The following ASIC2 variants were observed in gnomAD, a reference collection of about 807,000 sequenced individuals.
ASIC2 encodes the protein acid sensing ion channel subunit 2, also known as acid-sensing ion channel 2.
A neutral mutation model predicts 57.3 loss-of-function variants in ASIC2; 25 were observed. The observed-to-expected ratio is 0.44, with a 90% CI of 0.32 to 0.61. ASIC2 has a LOEUF of 0.61. ASIC2 is among the 20% of genes least tolerant of loss of function. The probability of loss-of-function intolerance (pLI) is 0.06; values close to 1 mark genes in which losing one functional copy is unlikely to be tolerated. For synonymous variants in ASIC2, 319 were observed against 307.5 expected, an observed-to-expected ratio of 1.04 and a Z score of -0.39; for missense variants, 641 against 738.1, an observed-to-expected ratio of 0.87 and a Z score of 1.52.
At chr17:33,896,964 G>A (rs993291284) in intron 1 of ASIC2, among the ~76,000 whole-genome samples, 9 of 152,186 alleles carry the variant, frequency 5.9e-5, no homozygotes, top group African/African-American at 2.2e-4. Context: ...GAACCAGACA[G>A]GATAAAGGAG....
At chr17:33,436,849 ACTT>A (rs1211289464) in intron 1 of ASIC2, among the ~76,000 whole-genome samples, 8,926 of 76,162 alleles carry the variant, frequency 0.12, 1,453 homozygotes, top group Non-Finnish European at 0.16. Flanking sequence ...ACACATTCCA[ACTT>A]CTTTTTTTTT....
intron 1 of ASIC2, among the ~76,000 whole-genome samples, chr17:33,177,127 G>A (rs1046605100): frequency 6.6e-6 from 1 of 152,146 alleles, no homozygotes; most frequent in Admixed American, 6.5e-5. Context: ...TTCAGGGGTG[G>A]GGAAGCTCTT....
chr17:33,920,641 C>T (rs1329538124), intron 1 of ASIC2, among the ~76,000 whole-genome samples: 9 of 152,160 alleles, frequency 5.9e-5, no homozygotes, highest in Non-Finnish European at 1.2e-4. Context: ...ATCATTTGTA[C>T]CCCAGACTTC....
intron 3 of ASIC2, among the ~76,000 whole-genome samples, chr17:33,078,702 A>G (rs2092099583): frequency 6.6e-6 from 1 of 152,188 alleles, no homozygotes; most frequent in Non-Finnish European, 1.5e-5. Flanking sequence ...TGCTAGGATT[A>G]TAAGTATGAG....
chr17:33,774,804 T>A (rs1463989591), intron 1 of ASIC2, among the ~76,000 whole-genome samples: 1 of 152,176 alleles, frequency 6.6e-6, no homozygotes, highest in Non-Finnish European at 1.5e-5. Flanking sequence ...ACATGTACCA[T>A]CCCTAGACTG....
In ASIC2 at chr17:33,783,778, A is replaced by G. The variant is rs192042397; in HGVS notation, c.555+372200T>C. ...CCCCTGGATTCTTAGTCCCAACTCC[A>G]GTTGTAATTTTTGGCAAATCATGTG... On this transcript the variant is annotated intron_variant, in intron 1 of 9. Transcript: ENST00000359872. Among the ~76,000 whole-genome samples, 192 of 152,350 alleles carry G rather than the reference A, an allele frequency of 1.3e-3. 1 individual carries two copies. The South Asian group carries it at 0.014, about 11-fold the overall frequency.
At chr17:33,236,633 G>A (rs1440076202) in intron 1 of ASIC2, among the ~76,000 whole-genome samples, 2 of 152,194 alleles carry the variant, frequency 1.3e-5, no homozygotes, top group African/African-American at 4.8e-5. Context: ...ATGCCACCAT[G>A]CCTGGCTTGA....
chr17:33,695,272 GA>G (rs1438705670), intron 1 of ASIC2, among the ~76,000 whole-genome samples: 1 of 152,064 alleles, frequency 6.6e-6, no homozygotes, highest in African/African-American at 2.4e-5. Context: ...GAAAATCCAG[GA>G]AGAGTAACAT....
At chr17:33,512,197 G>A (rs1381004406) in intron 1 of ASIC2, among the ~76,000 whole-genome samples, 2 of 152,208 alleles carry the variant, frequency 1.3e-5, no homozygotes, top group Non-Finnish European at 2.9e-5. Context: ...CAAGATAAGG[G>A]TGAAACTCTG....
At chr17:33,643,876 G>A (rs1340731143) in intron 1 of ASIC2, among the ~76,000 whole-genome samples, 2 of 152,042 alleles carry the variant, frequency 1.3e-5, no homozygotes, top group Non-Finnish European at 2.9e-5. Flanking sequence ...GTAATTAGTA[G>A]GTGTTATTAT....
intron 1 of ASIC2, among the ~76,000 whole-genome samples, chr17:33,494,976 C>A (rs1377253502): frequency 6.6e-6 from 1 of 152,184 alleles, no homozygotes; most frequent in African/African-American, 2.4e-5. Context: ...AAGTTCCCAA[C>A]TAAGTGATTC....
At chr17:34,002,582 G>T (rs1906380265) in intron 1 of ASIC2, 1 of 152,216 alleles carries the variant, frequency 6.6e-6, no homozygotes, top group Non-Finnish European at 1.5e-5. Context: ...CTTAATTTCA[G>T]CTCTGCAGGG....
At chr17:33,769,004 A>C (rs910764987) in intron 1 of ASIC2, among the ~76,000 whole-genome samples, 2 of 152,206 alleles carry the variant, frequency 1.3e-5, no homozygotes, top group Admixed American at 6.5e-5. Context: ...ATAATAAAAA[A>C]AATTCTCCAC....
At chr17:33,589,881 G>A (rs1904770904) in intron 1 of ASIC2, among the ~76,000 whole-genome samples, 1 of 152,186 alleles carries the variant, frequency 6.6e-6, no homozygotes, top group Non-Finnish European at 1.5e-5. Flanking sequence ...CCCAGGAGTG[G>A]AATTGGTAGA....
chr17:33,080,863 G>A (rs72817091), intron 3 of ASIC2, among the ~76,000 whole-genome samples: 17,332 of 152,152 alleles, frequency 0.11, 1,206 homozygotes, highest in Non-Finnish European at 0.16. Flanking sequence ...GGGATGGTGC[G>A]AGATTTCATC....
intron 1 of ASIC2, among the ~76,000 whole-genome samples, chr17:33,991,378 A>T (rs893840198): frequency 6.6e-6 from 1 of 152,178 alleles, no homozygotes; most frequent in Non-Finnish European, 1.5e-5. Context: ...CTCCCAGTCA[A>T]GTTCTCTTTC....
intron 1 of ASIC2, among the ~76,000 whole-genome samples, chr17:33,781,991 T>C (rs1053570158): frequency 6.6e-6 from 1 of 152,182 alleles, no homozygotes; most frequent in African/African-American, 2.4e-5. Flanking sequence ...ATGGTCTCCC[T>C]GCCTCCAATC....
intron 1 of ASIC2, among the ~76,000 whole-genome samples, chr17:33,731,024 C>G (rs571009820): frequency 6.6e-6 from 1 of 152,314 alleles, no homozygotes; most frequent in East Asian, 1.9e-4. Flanking sequence ...TGCACCTACT[C>G]CACCTCAGAA....
intron 1 of ASIC2, among the ~76,000 whole-genome samples, chr17:33,756,745 C>T (rs1016975545): frequency 2.0e-5 from 3 of 152,178 alleles, no homozygotes; most frequent in Admixed American, 6.5e-5. Flanking sequence ...AGTGACAGCC[C>T]AAAGAGAGGC....
Sources: gnomAD v4.1 joint callset for allele counts (sites outside exome capture counted in the v4.1 genomes callset) on GRCh38, gnomAD v4.1.1 for gene constraint, MANE v1.5 for transcripts, NCBI Gene and HGNC (gene_info 2026-07-23, HGNC 2026-07-21) for gene names.